The following ACSL6 variants were observed in gnomAD, a reference collection of about 807,000 sequenced individuals.
The protein encoded by ACSL6 is acyl-CoA synthetase long chain family member 6, also known as long-chain-fatty-acid--CoA ligase 6.
In ACSL6, 47 loss-of-function variants were observed where a neutral mutation model predicts 98.2. The ratio of observed to expected loss-of-function variants is 0.48; its 90% CI spans 0.38 to 0.61. The LOEUF is 0.61. Ranked by LOEUF, ACSL6 falls within the 20% of genes least tolerant of loss-of-function variation. The pLI is 0.00. For synonymous variants in ACSL6, 362 were observed against 336.9 expected, an observed-to-expected ratio of 1.07 and a Z score of -0.82; for missense variants, 761 against 913.4, an observed-to-expected ratio of 0.83 and a Z score of 2.15.
chr5:131,974,975 A>G lies in ACSL6; in HGVS notation c.991-5T>C, dbSNP rs770452495. 1 of 1,613,682 alleles carries G rather than the reference A, an allele frequency of 6.2e-7. No homozygotes were observed. The highest frequency in any genetic ancestry group is 8.5e-7 in the Non-Finnish European group (1 of 1,179,772). On this transcript the variant is annotated splice_region_variant and splice_polypyrimidine_tract_variant and intron_variant, in intron 10 of 20. Transcript: ENST00000651883. ...CTGTCTCGGAAAGATCACTTTCTGC[A>G]GGCGACGGGCATGGGAGACAGAAAG...
At chr5:132,002,412 C>T (rs1262787989) in intron 1 of ACSL6, among the ~76,000 whole-genome samples, 1 of 152,180 alleles carries the variant, frequency 6.6e-6, no homozygotes, top group Non-Finnish European at 1.5e-5. Flanking sequence ...CAGAGCTCAA[C>T]TGCAGGTGGC....
chr5:131,960,700 TCA>T, intron 18 of ACSL6, 79 bp from the exon 19 acceptor site: 1 of 1,101,022 alleles, frequency 9.1e-7, no homozygotes, highest in Non-Finnish European at 1.3e-6. Context: ...ATTAAAATTC[TCA>T]GACTCCACCT....
In ACSL6 at chr5:131,989,982, CA is replaced by C. The variant is rs1424084623; in HGVS notation, c.450+117del. 2.7e-6 allele frequency: 3 copies of C among 1,110,522 alleles called. No homozygotes were observed. The African/African-American group carries it at 4.7e-5, about 17-fold the overall frequency. 68.8% of individuals were successfully genotyped at this position (1,110,522 alleles called of 1,614,324 possible). On this transcript the variant is annotated intron_variant, in intron 4 of 20. Coordinates refer to ENST00000651883, the MANE Select transcript of ACSL6 (RefSeq NM_001009185.3). ...AGGCTGTTGCCAGGAGTTTGGCAGA[CA>C]GGCCAGGGAAATAAATGACCCTCTG...
At chr5:131,991,938 T>C (rs1014804828) in intron 2 of ACSL6, among the ~76,000 whole-genome samples, 1 of 152,216 alleles carries the variant, frequency 6.6e-6, no homozygotes, top group Non-Finnish European at 1.5e-5. Flanking sequence ...CAAGCCCACC[T>C]AAGACCTGCA....
intron 1 of ACSL6, among the ~76,000 whole-genome samples, chr5:132,007,758 C>T (rs1243798190): frequency 6.6e-6 from 1 of 152,218 alleles, no homozygotes; most frequent in Non-Finnish European, 1.5e-5. Flanking sequence ...ACACCTAGTA[C>T]TTAATGAGTA....
rs369852721 is a variant in ACSL6 at position 131,978,845 on chromosome 5, G to C, written c.917-2124C>G. 4.6e-5 allele frequency among the ~76,000 whole-genome samples: 7 copies of C among 152,296 alleles called. No individual in the cohort carries two copies. The South Asian group carries it at 8.3e-4, about 18-fold the overall frequency. On this transcript the variant is annotated intron_variant, in intron 9 of 20. Coordinates refer to ENST00000651883, the MANE Select transcript of ACSL6 (RefSeq NM_001009185.3). The stretch of plus-strand genomic sequence containing the variant: ...GGTGACCCATTTGTCAGAGATAAGA[G>C]CATCAGGCATGGCCCAATCTTTGAA...
chr5:132,008,570 T>G (rs1755542838), intron 1 of ACSL6, among the ~76,000 whole-genome samples: 1 of 152,198 alleles, frequency 6.6e-6, no homozygotes, highest in Admixed American at 6.5e-5. Flanking sequence ...TCTCTTCCTC[T>G]TGACTCAGCA....
chr5:131,986,840 C>T lies in ACSL6; in HGVS notation c.846G>A (p.Glu282=). 1 of 1,614,212 alleles carries T rather than the reference C, an allele frequency of 6.2e-7. No homozygotes were observed. Among genetic ancestry groups the T allele is most frequent in the South Asian group, 1.1e-5 (1 of 91,084 alleles). The change falls in exon 8 of 21, where the codon GAG becomes GAA. Residue 282 remains glutamate (E), a synonymous_variant. Coordinates refer to ENST00000651883, the MANE Select transcript of ACSL6 (RefSeq NM_001009185.3). The stretch of plus-strand genomic sequence containing the variant: ...CGCTTACCACAGGAGCCTGGTGATT[C>T]TCTTGGCCACAGTCCTGAAAGAAGA... ...SMQAVEDCGQ[E]NHQAPVPPQP...
In ACSL6 at chr5:131,953,162, T is replaced by C. The variant is rs554395549; in HGVS notation, c.*1072A>G. ...AACAGATGTCTTTTAGAATTCATTA[T>C]AATAAGAAGTCCATGAACATACACA... is the stretch of plus-strand genomic sequence containing the variant. On this transcript the variant is annotated 3_prime_UTR_variant, in exon 21 of 21. Coordinates refer to ENST00000651883, the MANE Select transcript of ACSL6 (RefSeq NM_001009185.3). 3.6e-4 allele frequency: 70 copies of C among 195,940 alleles called. 1 individual carries two copies. The South Asian group carries it at 0.013, about 37-fold the overall frequency. 12.1% of individuals were successfully genotyped at this position (195,940 alleles called of 1,614,324 possible). A position where few individuals can be genotyped will look rare whatever the true frequency, so the allele number is the denominator to read the frequency against.
intron 1 of ACSL6, among the ~76,000 whole-genome samples, chr5:131,994,889 C>T (rs191152950): frequency 9.8e-5 from 15 of 152,314 alleles, no homozygotes; most frequent in East Asian, 1.9e-4. Flanking sequence ...TGTCCCTCAC[C>T]GACTACCAAG....
Position 131,966,466 on chromosome 5 carries a change from G to A in ACSL6, c.1663C>T (p.Leu555=). Residue 555 remains leucine (L), a synonymous_variant, in exon 17 of 21, where the codon CTG becomes TTG. Transcript: ENST00000651883. ...GTGTGAAGCCAGCCATCGCTGTCCAGGGCCTCCTTCGTCCTGTCTGGATCT... is the reference window on the plus strand; with the variant it reads ...GTGTGAAGCCAGCCATCGCTGTCCAAGGCCTCCTTCGTCCTGTCTGGATCT... ...LKDPDRTKEA[L]DSDGWLHTGD... is the part of the protein sequence containing the mutation. 1.2e-6 allele frequency: 2 copies of A among 1,614,192 alleles called. No homozygotes were observed.
intron 1 of ACSL6, chr5:132,003,688 G>C (rs559931516): frequency 2.6e-5 from 4 of 152,272 alleles, no homozygotes; most frequent in African/African-American, 9.6e-5. Flanking sequence ...GCCATTGGGC[G>C]TTGTTCACAC....
At position 131,967,935 on chromosome 5, in the gene ACSL6, T is replaced by C. The variant is rs1392179285; in HGVS notation, c.1596+5A>G. The C allele has an allele frequency of 6.2e-7, 1 of 1,613,496 alleles. No homozygotes were observed. The highest frequency in any genetic ancestry group is 1.7e-5 in the Admixed American group (1 of 59,984). On this transcript the variant is annotated splice_donor_5th_base_variant and intron_variant, in intron 16 of 20. Transcript: ENST00000651883. ...ACAGGCATGAATGGCTAAATCCTTG[T>C]TTACCTCTCCCTCTCCTTTGCAGGC...
chr5:132,002,454 T>A (rs1327982573), intron 1 of ACSL6, among the ~76,000 whole-genome samples: 1 of 151,910 alleles, frequency 6.6e-6, no homozygotes, highest in Non-Finnish European at 1.5e-5. Context: ...TGCGACCTCC[T>A]CCAGCTAGAG....
At chr5:131,960,313 C>T (rs1011209839) in intron 19 of ACSL6, among the ~76,000 whole-genome samples, 5 of 152,142 alleles carry the variant, frequency 3.3e-5, no homozygotes, top group Admixed American at 2.6e-4. Context: ...AAAATCCAAA[C>T]GTTTGTCAAT....
At chr5:131,976,172 T>C in intron 10 of ACSL6, 1 of 985,432 alleles carries the variant, frequency 1.0e-6, no homozygotes, top group South Asian at 4.7e-5. Flanking sequence ...GCTTTTTTGA[T>C]TTTAGATTTA....
intron 20 of ACSL6, among the ~76,000 whole-genome samples, chr5:131,955,367 T>C (rs1445684562): frequency 6.6e-6 from 1 of 152,226 alleles, no homozygotes; most frequent in African/African-American, 2.4e-5. Flanking sequence ...CAGTAAGGAA[T>C]AGGGCTGCTG....
chr5:132,000,986 C>A (rs1755056949), intron 1 of ACSL6, among the ~76,000 whole-genome samples: 1 of 152,068 alleles, frequency 6.6e-6, no homozygotes, highest in Non-Finnish European at 1.5e-5. Context: ...CAGCGACCCT[C>A]ATCTGGAACT....
intron 11 of ACSL6, 144 bp from the exon 12 acceptor site, chr5:131,973,544 A>T: frequency 1.3e-6 from 1 of 798,818 alleles, no homozygotes. Context: ...GACACTGATG[A>T]ATGCCATCTG....
Sources: allele counts gnomAD v4.1 joint callset (sites outside exome capture counted in the v4.1 genomes callset), GRCh38; gene constraint gnomAD v4.1.1; transcripts MANE v1.5; gene names NCBI Gene and HGNC (gene_info 2026-07-23, HGNC 2026-07-21).